FXR1: variants seen among roughly 807,000 people sequenced by gnomAD.
FXR1 encodes the protein FMR1 autosomal homolog 1.
FXR1 carries 15 observed loss-of-function variants against 84.0 expected under a neutral mutation model. That is an observed-to-expected ratio of 0.18 (90% confidence interval 0.12 to 0.27). FXR1 has a LOEUF of 0.27. FXR1 is among the 10% of genes least tolerant of loss of function. The pLI, the probability that FXR1 is intolerant of heterozygous loss-of-function variation, is 1.00. For synonymous variants in FXR1, 245 were observed against 250.7 expected (o/e 0.98, Z 0.21); for missense variants, 480 against 774.4 (o/e 0.62, Z 4.51).
Position 180,949,294 on chromosome 3 carries a change from C to T in FXR1, c.581C>T (p.Thr194Met). ...LSDMHLRSIR[T>M]KLMLMSRNEE... The stretch of plus-strand genomic sequence containing the variant: ...GACATGCATTTGCGAAGTATTCGTA[C>T]GAAGTTGATGCTTATGTCCAGAAAT... Residue 194 changes from threonine to methionine, a missense_variant, in exon 7 of 17, where the codon ACG becomes ATG. Coordinates refer to ENST00000357559, the MANE Select transcript of FXR1 (RefSeq NM_005087.4). The T allele has an allele frequency of 1.9e-6, 3 of 1,600,736 alleles. No individual in the cohort carries two copies. The highest frequency in any genetic ancestry group is 2.6e-6 in the Non-Finnish European group (3 of 1,167,734).
intron 10 of FXR1, 65 bp downstream of exon 10, chr3:180,957,993 A>G: frequency 1.4e-6 from 1 of 693,874 alleles, no homozygotes; most frequent in East Asian, 2.7e-5. Context: ...TAATAGTTGT[A>G]AACATTTTGT....
chr3:180,931,026 C>CAGAAAAAAAAA (rs1719826372), intron 1 of FXR1, among the ~76,000 whole-genome samples: 1 of 55,642 alleles, frequency 1.8e-5, no homozygotes, highest in Non-Finnish European at 3.5e-5. Context: ...GAGACTGCCT[C>CAGAAAAAAAAA]AAAAAAAAAA....
At chr3:180,938,445 A>G (rs965209488) in intron 3 of FXR1, among the ~76,000 whole-genome samples, 3 of 152,154 alleles carry the variant, frequency 2.0e-5, no homozygotes, top group Non-Finnish European at 2.9e-5. Flanking sequence ...CACTTAAATT[A>G]GTTGGTTGGC....
In FXR1 at chr3:180,940,580, G is replaced by GTT. The variant is rs746815811; in HGVS notation, c.198+5352_198+5353dup. On this transcript the variant is annotated intron_variant, in intron 3 of 16. Coordinates refer to ENST00000357559, the MANE Select transcript of FXR1 (RefSeq NM_005087.4). ...ACGTGTTTAGTTTTTGTTTTTTTCT[G>GTT]TTTTCTTTTTTTTTTGGAGATGGAG... 2.6e-4 allele frequency among the ~76,000 whole-genome samples: 38 copies of GTT among 146,138 alleles called. 1 individual carries two copies. The highest frequency in any genetic ancestry group is 1.5e-5 in the Non-Finnish European group (1 of 67,404).
At chr3:180,923,102 A>G (rs1384406707) in intron 1 of FXR1, among the ~76,000 whole-genome samples, 1 of 152,166 alleles carries the variant, frequency 6.6e-6, no homozygotes, top group African/African-American at 2.4e-5. Context: ...ATAGTACGTT[A>G]ATATTTTTGC....
chr3:180,937,794 A>C (rs987655084), intron 3 of FXR1, among the ~76,000 whole-genome samples: 2 of 151,900 alleles, frequency 1.3e-5, no homozygotes, highest in Non-Finnish European at 2.9e-5. Context: ...CCCCTTCTTT[A>C]AATTTAAAGT....
chr3:180,955,042 G>C lies in FXR1; in HGVS notation c.880+1202G>C, dbSNP rs143769983. Among the ~76,000 whole-genome samples the C allele has an allele frequency of 8.5e-3, 1,239 of 146,298 alleles. 22 individuals are homozygous for C. Among genetic ancestry groups the C allele is most frequent in the African/African-American group, 0.03 (1,181 of 39,460 alleles). ...CTTGCTTTGTCACTCAGGCTGGAGTGCAGTTGCAGCGATGCAATCTCGGCT... is the reference window on the plus strand; with the variant it reads ...CTTGCTTTGTCACTCAGGCTGGAGTCCAGTTGCAGCGATGCAATCTCGGCT... On this transcript the variant is annotated intron_variant, in intron 9 of 16. Transcript: ENST00000357559.
At chr3:180,942,657 C>T (rs565230259) in intron 3 of FXR1, among the ~76,000 whole-genome samples, 3 of 152,098 alleles carry the variant, frequency 2.0e-5, no homozygotes, top group South Asian at 2.1e-4. Flanking sequence ...TTTTAGGCTT[C>T]TCATCATGGT....
At position 180,948,087 on chromosome 3, in the gene FXR1, G is replaced by T. The variant is rs556695160; in HGVS notation, c.270+151G>T. ...GACATTTCCATTAGCATTAATTTCT[G>T]TTTGTGTTCTGTATTGGCAAACACC... On this transcript the variant is annotated intron_variant, in intron 4 of 16. Transcript: ENST00000357559. 6.5e-5 allele frequency: 40 copies of T among 619,294 alleles called. No individual in the cohort carries two copies. In the Admixed American group the frequency reaches 9.3e-4, roughly 14 times the overall value. 38.4% of individuals were successfully genotyped at this position (619,294 alleles called of 1,614,324 possible).
chr3:180,913,824 T>TAAA (rs1717544237), intron 1 of FXR1, among the ~76,000 whole-genome samples: 1 of 152,240 alleles, frequency 6.6e-6, no homozygotes, highest in African/African-American at 2.4e-5. Flanking sequence ...CTTGGCTATT[T>TAAA]TTATGAAGGG....
chr3:180,950,081 A>G (rs1368224226), intron 7 of FXR1, among the ~76,000 whole-genome samples: 1 of 152,140 alleles, frequency 6.6e-6, no homozygotes, highest in Non-Finnish European at 1.5e-5. Context: ...TAAGCTTATC[A>G]TTATATCTCT....
At chr3:180,946,351 T>C (rs1214827129) in intron 3 of FXR1, among the ~76,000 whole-genome samples, 1 of 152,212 alleles carries the variant, frequency 6.6e-6, no homozygotes, top group African/African-American at 2.4e-5. Flanking sequence ...TTGTAAAGTG[T>C]TTCAAGATAT....
rs138445759 is a variant in FXR1, at chr3:180,970,863, C to T, written c.1603+505C>T. 2.6e-5 allele frequency among the ~76,000 whole-genome samples: 4 copies of T among 152,184 alleles called. No homozygotes were observed. The East Asian group carries it at 7.7e-4, about 29-fold the overall frequency. On this transcript the variant is annotated intron_variant, in intron 15 of 16. Coordinates refer to ENST00000357559, the MANE Select transcript of FXR1 (RefSeq NM_005087.4). Reference sequence around the variant, plus strand: ...CTGAGTTTTACTGTGAGTTAAAACCCTCTGAATTTCCAGATGATAATTCCA... The same window carrying T: ...CTGAGTTTTACTGTGAGTTAAAACCTTCTGAATTTCCAGATGATAATTCCA...
At chr3:180,924,951 A>G (rs904913135) in intron 1 of FXR1, among the ~76,000 whole-genome samples, 4 of 152,238 alleles carry the variant, frequency 2.6e-5, no homozygotes, top group African/African-American at 9.6e-5. Context: ...CATACATAAA[A>G]TGGGAAGTTC....
intron 14 of FXR1, among the ~76,000 whole-genome samples, chr3:180,969,198 C>T (rs1217912727): frequency 6.6e-6 from 1 of 152,246 alleles, no homozygotes; most frequent in African/African-American, 2.4e-5. Context: ...AGTTTACAGG[C>T]TTTCAGGGTA....
At chr3:180,926,257 T>C (rs1264957838) in intron 1 of FXR1, among the ~76,000 whole-genome samples, 1 of 152,016 alleles carries the variant, frequency 6.6e-6, no homozygotes, top group East Asian at 1.9e-4. Flanking sequence ...AGTGACAAAC[T>C]ATGTAAGAAT....
intron 1 of FXR1, chr3:180,914,600 A>G (rs1249511005): frequency 5.7e-6 from 1 of 175,698 alleles, no homozygotes; most frequent in African/African-American, 2.4e-5. Context: ...TAATTTTAGT[A>G]AAGATTGTTT....
chr3:180,946,435 A>G (rs1309024946), intron 3 of FXR1, among the ~76,000 whole-genome samples: 2 of 152,366 alleles, frequency 1.3e-5, no homozygotes, highest in Non-Finnish European at 2.9e-5. Context: ...TAATTACAGA[A>G]TAAGGGTGAG....
chr3:180,919,179 A>G (rs78126424), intron 1 of FXR1, among the ~76,000 whole-genome samples: 4,494 of 152,252 alleles, frequency 0.03, 94 homozygotes, highest in Middle Eastern at 0.048. Context: ...GCTGAAATGT[A>G]CTAGTCTGAA....
Sources: allele counts gnomAD v4.1 joint callset (sites outside exome capture counted in the v4.1 genomes callset), GRCh38; gene constraint gnomAD v4.1.1; transcripts MANE v1.5; gene names NCBI Gene and HGNC (gene_info 2026-07-23, HGNC 2026-07-21).